SCHIP1: variants seen among roughly 807,000 people sequenced by gnomAD.
The protein encoded by SCHIP1 is schwannomin-interacting protein 1.
Under a neutral mutation model 29.7 loss-of-function variants are expected in SCHIP1, and 8 were observed. The ratio of observed to expected loss-of-function variants is 0.27; its 90% CI spans 0.16 to 0.49. The LOEUF is 0.49. SCHIP1 is among the 20% of genes least tolerant of loss of function. SCHIP1 has a pLI of 0.99. For missense variants in SCHIP1, 193 were observed against 294.6 expected, an observed-to-expected ratio of 0.66 and a Z score of 2.52; for synonymous variants, 76 against 94.9, an observed-to-expected ratio of 0.80 and a Z score of 1.16.
At chr3:159,512,326 AT>A in the SCHIP1 span, among the ~76,000 whole-genome samples, 1 of 152,206 alleles carries the variant, frequency 6.6e-6, no homozygotes, top group Non-Finnish European at 1.5e-5. Flanking sequence ...ACTGGCAGTA[AT>A]TTAGAATTGC....
At chr3:159,869,834 T>C (rs1715057527) in intron 2 of SCHIP1, among the ~76,000 whole-genome samples, 1 of 151,948 alleles carries the variant, frequency 6.6e-6, no homozygotes, top group Non-Finnish European at 1.5e-5. Flanking sequence ...TCCATGAATA[T>C]GGTCTGTCTC....
At chr3:159,678,331 A>C in the SCHIP1 span, among the ~76,000 whole-genome samples, 1 of 152,240 alleles carries the variant, frequency 6.6e-6, no homozygotes, top group Admixed American at 6.5e-5. Flanking sequence ...CACACTGAGA[A>C]ATGAATGATT....
chr3:159,598,674 G>T, the SCHIP1 span, among the ~76,000 whole-genome samples: 1 of 152,124 alleles, frequency 6.6e-6, no homozygotes, highest in Non-Finnish European at 1.5e-5. Context: ...CAGGGACAAG[G>T]TGCAAGATAT....
the SCHIP1 span, chr3:159,399,082 C>A: frequency 3.9e-6 from 1 of 256,388 alleles, no homozygotes; most frequent in Non-Finnish European, 6.1e-6. Context: ...GTCTCCAAAA[C>A]ACCAGGCACA....
the SCHIP1 span, among the ~76,000 whole-genome samples, chr3:159,714,893 T>A: frequency 6.6e-6 from 1 of 152,066 alleles, no homozygotes; most frequent in African/African-American, 2.4e-5. Flanking sequence ...TTGAAGAGAG[T>A]AGTGGTTCTC....
At chr3:159,491,115 G>C in the SCHIP1 span, among the ~76,000 whole-genome samples, 1 of 152,044 alleles carries the variant, frequency 6.6e-6, no homozygotes, top group African/African-American at 2.4e-5. Flanking sequence ...ATTCAAGACT[G>C]AGACAGTGGG....
At chr3:159,572,576 A>T in the SCHIP1 span, among the ~76,000 whole-genome samples, 1 of 152,226 alleles carries the variant, frequency 6.6e-6, no homozygotes, top group African/African-American at 2.4e-5. Context: ...TGTGGTGCTG[A>T]GAAGAATGTA....
chr3:159,637,292 A>C, the SCHIP1 span, among the ~76,000 whole-genome samples: 3 of 151,690 alleles, frequency 2.0e-5, no homozygotes, highest in Non-Finnish European at 4.4e-5. Context: ...CTCAAGACTT[A>C]CTGTGGGGAA....
At chr3:159,536,655 T>C in the SCHIP1 span, among the ~76,000 whole-genome samples, 2 of 152,090 alleles carry the variant, frequency 1.3e-5, no homozygotes, top group Non-Finnish European at 2.9e-5. Context: ...TAGAGAAGAC[T>C]CCATCCCTCT....
chr3:159,595,352 G>A, the SCHIP1 span, among the ~76,000 whole-genome samples: 1 of 152,108 alleles, frequency 6.6e-6, no homozygotes, highest in African/African-American at 2.4e-5. Flanking sequence ...CTTCAATGGT[G>A]AAGGAGGAGA....
the SCHIP1 span, among the ~76,000 whole-genome samples, chr3:159,536,471 A>G: frequency 6.6e-6 from 1 of 152,160 alleles, no homozygotes; most frequent in African/African-American, 2.4e-5. Flanking sequence ...GGTCCTATTT[A>G]TGTTCTTACC....
chr3:159,629,647 T>C, the SCHIP1 span, among the ~76,000 whole-genome samples: 3 of 152,190 alleles, frequency 2.0e-5, no homozygotes, highest in African/African-American at 7.2e-5. Context: ...ATCTGTAAAG[T>C]GGGCTCAATT....
the SCHIP1 span, among the ~76,000 whole-genome samples, chr3:159,398,090 A>C: frequency 6.6e-6 from 1 of 152,196 alleles, no homozygotes; most frequent in Non-Finnish European, 1.5e-5. Flanking sequence ...CCGATTTTCC[A>C]GGTGCCATCT....
At chr3:159,768,234 C>G in the SCHIP1 span, 3 of 152,186 alleles carry the variant, frequency 2.0e-5, no homozygotes, top group African/African-American at 7.2e-5. Flanking sequence ...TTCCTATTGA[C>G]AAGTCTCTTA....
At chr3:159,482,993 T>A in the SCHIP1 span, among the ~76,000 whole-genome samples, 1 of 152,162 alleles carries the variant, frequency 6.6e-6, no homozygotes, top group African/African-American at 2.4e-5. Flanking sequence ...TAAAACTATT[T>A]GTAACTTTCC....
chr3:159,712,455 G>A, the SCHIP1 span, among the ~76,000 whole-genome samples: 1 of 152,168 alleles, frequency 6.6e-6, no homozygotes, highest in Non-Finnish European at 1.5e-5. Flanking sequence ...GGTGGCTCAT[G>A]CCTGTAATCC....
chr3:159,850,587 A>G (rs1210366541), intron 1 of SCHIP1, among the ~76,000 whole-genome samples: 1 of 151,124 alleles, frequency 6.6e-6, no homozygotes, highest in African/African-American at 2.4e-5. Context: ...GAGACTGGGT[A>G]ATTTATAAAT....
the SCHIP1 span, among the ~76,000 whole-genome samples, chr3:159,440,649 T>C: frequency 2.0e-5 from 3 of 152,298 alleles, no homozygotes; most frequent in Admixed American, 6.5e-5. Context: ...CCTAATTTGC[T>C]CTCATTTGAG....
the SCHIP1 span, among the ~76,000 whole-genome samples, chr3:159,635,505 TTATAA>T: frequency 6.6e-6 from 1 of 152,200 alleles, no homozygotes; most frequent in African/African-American, 2.4e-5. Flanking sequence ...TGTAATATAA[TTATAA>T]TATAGCTTCT....
Sources: allele counts gnomAD v4.1 joint callset (sites outside exome capture counted in the v4.1 genomes callset), GRCh38; gene constraint gnomAD v4.1.1; transcripts MANE v1.5; gene names NCBI Gene and HGNC (gene_info 2026-07-23, HGNC 2026-07-21).